The following SORCS2 variants were observed in gnomAD, a reference collection of about 807,000 sequenced individuals.
SORCS2 encodes VPS10 domain-containing receptor SorCS2.
SORCS2 carries 100 observed loss-of-function variants against 141.6 expected under a neutral mutation model. The observed-to-expected ratio is 0.71, with a 90% CI of 0.60 to 0.83. The LOEUF is 0.83. Ranked by LOEUF, SORCS2 falls within the 40% of genes least tolerant of loss-of-function variation. SORCS2 has a pLI of 0.00. For synonymous variants in SORCS2, 789 were observed against 676.9 expected (o/e 1.17, Z -2.57); for missense variants, 1,646 against 1,560.2 (o/e 1.05, Z -0.93).
At chr4:7,728,028 G>A (rs1290404287) in intron 21 of SORCS2, among the ~76,000 whole-genome samples, 2 of 152,224 alleles carry the variant, frequency 1.3e-5, no homozygotes, top group Non-Finnish European at 2.9e-5. Flanking sequence ...TGCACACTAG[G>A]CCTCCCTCCT....
chr4:7,726,848 G>A lies in SORCS2; in HGVS notation c.2814G>A (p.Val938=). 1 of 1,613,904 alleles carries A rather than the reference G, an allele frequency of 6.2e-7. No individual in the cohort carries two copies. Among genetic ancestry groups the A allele is most frequent in the South Asian group, 1.1e-5 (1 of 91,074 alleles). ...ACACGGGCGACGTGCGTGTGACGGT[G>A]CAGGCCGCCTGTGGGAACTCGGTGC... ...FSDTGDVRVT[V]QAACGNSVLQ... Residue 938 remains valine (V), a synonymous_variant, in exon 21 of 27, where the codon GTG becomes GTA. Transcript: ENST00000507866.
chr4:7,555,881 C>T (rs1011069106), intron 3 of SORCS2, among the ~76,000 whole-genome samples: 10 of 152,142 alleles, frequency 6.6e-5, no homozygotes, highest in African/African-American at 2.4e-4. Context: ...AGAGGCAGAG[C>T]CCCCAGGAAA....
At chr4:7,631,442 G>C (rs902987468) in intron 3 of SORCS2, among the ~76,000 whole-genome samples, 1 of 151,740 alleles carries the variant, frequency 6.6e-6, no homozygotes, top group East Asian at 2.0e-4. Context: ...GTCTGCCCTT[G>C]GTCCCTCTGG....
chr4:7,275,298 G>A (rs1663952239), intron 1 of SORCS2, among the ~76,000 whole-genome samples: 1 of 152,228 alleles, frequency 6.6e-6, no homozygotes, highest in Non-Finnish European at 1.5e-5. Context: ...GGACAGGGCT[G>A]TAGGGTTGAG....
chr4:7,255,674 T>C (rs1713807391), intron 1 of SORCS2, among the ~76,000 whole-genome samples: 2 of 152,204 alleles, frequency 1.3e-5, no homozygotes, highest in South Asian at 4.1e-4. Flanking sequence ...GGGGAGCTTC[T>C]GCTCACAGCC....
chr4:7,385,512 T>G (rs1019775154), intron 1 of SORCS2, among the ~76,000 whole-genome samples: 1 of 152,196 alleles, frequency 6.6e-6, no homozygotes, highest in Non-Finnish European at 1.5e-5. Context: ...GGGGCTGGTC[T>G]TGGCCTCAGG....
chr4:7,351,687 A>ATCCG (rs745961318), intron 1 of SORCS2, among the ~76,000 whole-genome samples: 3,793 of 136,070 alleles, frequency 0.028, 47 homozygotes, highest in Middle Eastern at 0.051. Flanking sequence ...CCATCCGTCC[A>ATCCG]TCCATCCATC....
At chr4:7,367,019 C>A (rs1721940005) in intron 1 of SORCS2, among the ~76,000 whole-genome samples, 1 of 152,192 alleles carries the variant, frequency 6.6e-6, no homozygotes, top group Non-Finnish European at 1.5e-5. Flanking sequence ...GCTTCCCAAG[C>A]CGGCTGCCCC....
chr4:7,324,490 G>A (rs570501866), intron 1 of SORCS2, among the ~76,000 whole-genome samples: 1 of 152,372 alleles, frequency 6.6e-6, no homozygotes, highest in South Asian at 2.1e-4. Flanking sequence ...ATGAGAGGAT[G>A]TGGGAACTGC....
chr4:7,547,988 G>C (rs1713396298), intron 3 of SORCS2, among the ~76,000 whole-genome samples: 1 of 152,214 alleles, frequency 6.6e-6, no homozygotes, highest in Non-Finnish European at 1.5e-5. Context: ...TGTGGATTCT[G>C]CTTTGGGCAG....
chr4:7,545,670 C>G (rs574680054), intron 3 of SORCS2, among the ~76,000 whole-genome samples: 28 of 152,278 alleles, frequency 1.8e-4, no homozygotes, highest in African/African-American at 6.3e-4. Context: ...AGACCCACCC[C>G]GCTGCATCAG....
At position 7,703,339 on chromosome 4, in the gene SORCS2, C is replaced by G; in HGVS notation, c.1728C>G (p.Ile576Met). 1.2e-6 allele frequency: 2 copies of G among 1,613,474 alleles called. No homozygotes were observed. Among genetic ancestry groups the G allele is most frequent in the African/African-American group, 2.7e-5 (2 of 75,050 alleles). Residue 576 changes from isoleucine (I) to methionine (M), a missense_variant, in exon 13 of 27, where the codon ATC becomes ATG. By Grantham distance (10) the Ile-to-Met change is conservative. Transcript: ENST00000507866. ...ACCACGGCGGCGTGATCGTGGCCAT[C>G]AAAGACACCTCCATCCCTTTGAAGA... ...YLDHGGVIVA[I>M]KDTSIPLKIL...
chr4:7,295,583 G>T (rs1424648812), intron 1 of SORCS2, among the ~76,000 whole-genome samples: 1 of 152,180 alleles, frequency 6.6e-6, no homozygotes, highest in Non-Finnish European at 1.5e-5. Flanking sequence ...GCTGGTGGGG[G>T]CTGGACTCCA....
At chr4:7,550,132 A>ATGTGTGTGTG (rs36213889) in intron 3 of SORCS2, among the ~76,000 whole-genome samples, 70 of 142,268 alleles carry the variant, frequency 4.9e-4, no homozygotes, top group African/African-American at 1.8e-3. Context: ...GTATGTGTGT[A>ATGTGTGTGTG]TGTGTGTGTG....
chr4:7,377,068 T>C (rs935259653), intron 1 of SORCS2, among the ~76,000 whole-genome samples: 1 of 152,220 alleles, frequency 6.6e-6, no homozygotes, highest in Non-Finnish European at 1.5e-5. Flanking sequence ...ATGTGTTTTC[T>C]GTATGCGTGT....
chr4:7,600,100 C>G (rs929297397), intron 3 of SORCS2, among the ~76,000 whole-genome samples: 1 of 152,156 alleles, frequency 6.6e-6, no homozygotes, highest in East Asian at 1.9e-4. Context: ...GGGATTACAG[C>G]CATGAGCCAC....
At chr4:7,571,110 C>T (rs1458501047) in intron 3 of SORCS2, among the ~76,000 whole-genome samples, 1 of 152,252 alleles carries the variant, frequency 6.6e-6, no homozygotes, top group African/African-American at 2.4e-5. Context: ...GCCCCCAGCC[C>T]TGGACACCTC....
chr4:7,403,998 T>TATATATATA (rs59841056), intron 2 of SORCS2, among the ~76,000 whole-genome samples: 548 of 12,092 alleles, frequency 0.045, 13 homozygotes, highest in Non-Finnish European at 0.064. Flanking sequence ...TATATATATA[T>TATATATATA]TTTTTTTTTT....
chr4:7,705,822 G>C (rs571890702), intron 14 of SORCS2, among the ~76,000 whole-genome samples: 1 of 152,230 alleles, frequency 6.6e-6, no homozygotes. Context: ...TGGATAAGCC[G>C]CCCAAGAGTG....
Sources: allele counts gnomAD v4.1 joint callset (sites outside exome capture counted in the v4.1 genomes callset), GRCh38; gene constraint gnomAD v4.1.1; transcripts MANE v1.5; gene names NCBI Gene and HGNC (gene_info 2026-07-23, HGNC 2026-07-21).